The following ACTR3C variants were observed in gnomAD, a reference collection of about 807,000 sequenced individuals.
The protein encoded by ACTR3C is actin related protein 3C, also known as actin-related protein 3C.
In ACTR3C, 18 loss-of-function variants were observed where a neutral mutation model predicts 26.3. That is an observed-to-expected ratio of 0.68 (90% CI 0.47 to 1.01). The LOEUF (loss-of-function observed/expected upper bound fraction) is 1.01. ACTR3C is among the 50% of genes least tolerant of loss of function. ACTR3C has a pLI of 0.00. For missense variants in ACTR3C, 184 were observed against 250.7 expected, an observed-to-expected ratio of 0.73 and a Z score of 1.80; for synonymous variants, 55 against 94.5, an observed-to-expected ratio of 0.58 and a Z score of 2.42.
the ACTR3C span, among the ~76,000 whole-genome samples, chr7:150,033,975 C>G: frequency 7.2e-6 from 1 of 137,946 alleles, no homozygotes; most frequent in Non-Finnish European, 1.6e-5. Flanking sequence ...GGGGGACGTT[C>G]GCAGTCCCCG....
At chr7:150,197,984 G>A in the ACTR3C span, among the ~76,000 whole-genome samples, 1 of 151,110 alleles carries the variant, frequency 6.6e-6, no homozygotes, top group Non-Finnish European at 1.5e-5. Flanking sequence ...CCTGCCGAGT[G>A]CCTGTGATTG....
At chr7:150,112,975 C>T in the ACTR3C span, among the ~76,000 whole-genome samples, 1 of 152,170 alleles carries the variant, frequency 6.6e-6, no homozygotes, top group African/African-American at 2.4e-5. Context: ...GGCCCCTTGG[C>T]TGTGAAGGAG....
the ACTR3C span, among the ~76,000 whole-genome samples, chr7:150,087,633 C>T: frequency 2.0e-5 from 3 of 152,046 alleles, no homozygotes; most frequent in Admixed American, 6.6e-5. Context: ...CGAGTGAGCC[C>T]GTGGAAGAGG....
At chr7:150,198,322 G>A in the ACTR3C span, among the ~76,000 whole-genome samples, 3 of 149,548 alleles carry the variant, frequency 2.0e-5, no homozygotes, top group African/African-American at 7.6e-5. Flanking sequence ...GGGATGTGAG[G>A]AGCCTCTCTG....
the ACTR3C span, among the ~76,000 whole-genome samples, chr7:149,939,991 CA>C: frequency 8.6e-6 from 1 of 115,980 alleles, no homozygotes; most frequent in African/African-American, 2.8e-5. Context: ...AAAATAGCAC[CA>C]ATACACACCT....
At chr7:150,021,716 G>A in the ACTR3C span, among the ~76,000 whole-genome samples, 17 of 149,418 alleles carry the variant, frequency 1.1e-4, no homozygotes, top group African/African-American at 3.7e-4. Flanking sequence ...GAGAACATAC[G>A]ATACTTGGTT....
At chr7:150,127,931 G>T in the ACTR3C span, among the ~76,000 whole-genome samples, 1 of 151,434 alleles carries the variant, frequency 6.6e-6, no homozygotes, top group Non-Finnish European at 1.5e-5. Flanking sequence ...GTCTTCACGT[G>T]GTCTATTTTA....
At chr7:150,091,758 G>A in the ACTR3C span, among the ~76,000 whole-genome samples, 6 of 147,622 alleles carry the variant, frequency 4.1e-5, no homozygotes, top group East Asian at 4.0e-4. Flanking sequence ...CGAGGCGGGC[G>A]GATCACGAGG....
At chr7:150,159,442 A>G in the ACTR3C span, among the ~76,000 whole-genome samples, 1 of 152,176 alleles carries the variant, frequency 6.6e-6, no homozygotes, top group African/African-American at 2.4e-5. Flanking sequence ...TTGGAAATGA[A>G]AAGTAGGCAA....
the ACTR3C span, among the ~76,000 whole-genome samples, chr7:150,129,617 A>T: frequency 2.4e-4 from 36 of 152,336 alleles, no homozygotes; most frequent in East Asian, 6.7e-3. Context: ...TAAGTTAAAA[A>T]TTCATAACAC....
chr7:150,015,924 G>A, the ACTR3C span, among the ~76,000 whole-genome samples: 2 of 152,202 alleles, frequency 1.3e-5, no homozygotes, highest in Non-Finnish European at 2.9e-5. Flanking sequence ...TCAAAAGTAC[G>A]CTAATAGGAT....
At chr7:150,163,532 A>G in the ACTR3C span, among the ~76,000 whole-genome samples, 1 of 151,722 alleles carries the variant, frequency 6.6e-6, no homozygotes, top group Non-Finnish European at 1.5e-5. Context: ...TATCTAAGAG[A>G]TATCTATATC....
At chr7:150,259,291 AAAAGAAAG>A (rs60293189) in intron 6 of ACTR3C, among the ~76,000 whole-genome samples, 42 of 149,608 alleles carry the variant, frequency 2.8e-4, no homozygotes, top group Non-Finnish European at 5.3e-4. Flanking sequence ...GAAAGAAAGA[AAAAGAAAG>A]AAAGAAAGAA....
chr7:150,034,824 T>C, the ACTR3C span, among the ~76,000 whole-genome samples: 22 of 140,074 alleles, frequency 1.6e-4, no homozygotes, highest in East Asian at 4.1e-3. Context: ...GGGGGGTGCC[T>C]CCCCCCTCTG....
At chr7:150,162,515 C>G in the ACTR3C span, among the ~76,000 whole-genome samples, 1 of 152,032 alleles carries the variant, frequency 6.6e-6, no homozygotes, top group Admixed American at 6.6e-5. Flanking sequence ...GGGGATTTCA[C>G]CATGTTGGCC....
At chr7:150,113,166 ACT>A in the ACTR3C span, among the ~76,000 whole-genome samples, 1 of 150,174 alleles carries the variant, frequency 6.7e-6, no homozygotes, top group East Asian at 2.0e-4. Flanking sequence ...TCAGCATGCC[ACT>A]CTACCTCACG....
chr7:150,122,037 T>C, the ACTR3C span, among the ~76,000 whole-genome samples: 7 of 152,272 alleles, frequency 4.6e-5, no homozygotes, highest in East Asian at 1.3e-3. Flanking sequence ...TGCAGAAAAC[T>C]GAAACTGGAC....
chr7:150,140,013 C>T, the ACTR3C span, among the ~76,000 whole-genome samples: 2 of 152,056 alleles, frequency 1.3e-5, no homozygotes, highest in African/African-American at 2.4e-5. Flanking sequence ...TTCACACACA[C>T]ATGCACACAC....
At chr7:150,225,004 AGTGTGTGTGTGTGTGTGTGTGT>A in the ACTR3C span, among the ~76,000 whole-genome samples, 2 of 136,188 alleles carry the variant, frequency 1.5e-5, no homozygotes, top group Non-Finnish European at 3.2e-5. Context: ...CACCCCCATT[AGTGTGTGTGTGTGTGTGTGTGT>A]GTGTGTGTGT....
Sources: gnomAD v4.1 joint callset for allele counts (sites outside exome capture counted in the v4.1 genomes callset) on GRCh38, gnomAD v4.1.1 for gene constraint, MANE v1.5 for transcripts, NCBI Gene and HGNC (gene_info 2026-07-23, HGNC 2026-07-21) for gene names.